MSH4: variants seen among roughly 807,000 people sequenced by gnomAD.
The protein encoded by MSH4 is mutS homolog 4, also known as mutS protein homolog 4.
Under a neutral mutation model 113.7 loss-of-function variants are expected in MSH4, and 106 were observed. The ratio of observed to expected loss-of-function variants is 0.93; its 90% CI spans 0.80 to 1.10. MSH4 has a LOEUF of 1.10. Ranked by LOEUF, MSH4 falls within the 50% of genes least tolerant of loss-of-function variation. The probability of loss-of-function intolerance (pLI) is 0.00; values close to 1 mark genes in which losing one functional copy is unlikely to be tolerated. For synonymous variants in MSH4, 368 were observed against 380.2 expected (o/e 0.97, Z 0.37); for missense variants, 1,061 against 1,093.7 (o/e 0.97, Z 0.42).
intron 2 of MSH4, among the ~76,000 whole-genome samples, chr1:75,806,483 G>C (rs1650067122): frequency 6.6e-6 from 1 of 151,968 alleles, no homozygotes; most frequent in African/African-American, 2.4e-5. Flanking sequence ...TCCTGGCCTT[G>C]TGATCCGCCC....
At chr1:75,879,336 C>T (rs1048798156) in intron 12 of MSH4, among the ~76,000 whole-genome samples, 3 of 152,052 alleles carry the variant, frequency 2.0e-5, no homozygotes, top group African/African-American at 7.2e-5. Context: ...TTCCACAGTT[C>T]TGGGAGCTTG....
intron 7 of MSH4, among the ~76,000 whole-genome samples, chr1:75,830,100 T>C (rs1296545858): frequency 6.6e-6 from 1 of 152,132 alleles, no homozygotes; most frequent in Middle Eastern, 3.2e-3. Context: ...TTAAGTGACC[T>C]GATGGAGCTG....
At chr1:75,862,276 C>A (rs1651473970) in intron 8 of MSH4, among the ~76,000 whole-genome samples, 1 of 152,208 alleles carries the variant, frequency 6.6e-6, no homozygotes, top group Non-Finnish European at 1.5e-5. Context: ...TCGGCTCACC[C>A]TCCGTGGGCT....
chr1:75,898,522 T>A (rs565739794), intron 18 of MSH4, among the ~76,000 whole-genome samples: 67 of 93,756 alleles, frequency 7.1e-4, no homozygotes, highest in African/African-American at 1.9e-3. Flanking sequence ...CAAACCATAT[T>A]TTTTTTTTTT....
chr1:75,840,828 C>T (rs13376397), intron 7 of MSH4, among the ~76,000 whole-genome samples: 8,813 of 152,066 alleles, frequency 0.058, 461 homozygotes, highest in African/African-American at 0.14. Flanking sequence ...CATCCATGTT[C>T]GGGCAACAGA....
chr1:75,885,023 A>ATGTGTGTGTGTG (rs764938661), intron 15 of MSH4, among the ~76,000 whole-genome samples: 9 of 122,204 alleles, frequency 7.4e-5, no homozygotes, highest in South Asian at 2.3e-4. Context: ...GTGTGTATAT[A>ATGTGTGTGTGTG]TATATATGTG....
intron 1 of MSH4, 70 bp downstream of exon 1, chr1:75,797,299 C>T (rs1405765849): frequency 6.6e-7 from 1 of 1,519,402 alleles, no homozygotes; most frequent in Non-Finnish European, 8.8e-7. Context: ...CTCGGGGGCA[C>T]GTGGGTGGTG....
intron 9 of MSH4, among the ~76,000 whole-genome samples, chr1:75,876,703 A>C (rs1651824124): frequency 6.6e-6 from 1 of 152,058 alleles, no homozygotes; most frequent in Admixed American, 6.6e-5. Context: ...AGAAAAATAA[A>C]ATTTATAATA....
chr1:75,802,867 G>GGTCTT (rs1187713415), intron 1 of MSH4, among the ~76,000 whole-genome samples: 2 of 152,162 alleles, frequency 1.3e-5, no homozygotes, highest in Non-Finnish European at 2.9e-5. Context: ...CTTTGTGCTG[G>GGTCTT]TGGAGTCTCT....
chr1:75,832,498 A>G (rs1650722972), intron 7 of MSH4, among the ~76,000 whole-genome samples: 1 of 152,112 alleles, frequency 6.6e-6, no homozygotes, highest in African/African-American at 2.4e-5. Context: ...AGAATTTTAG[A>G]CCAATATCCC....
intron 15 of MSH4, among the ~76,000 whole-genome samples, chr1:75,887,678 G>A (rs1206622249): frequency 2.6e-5 from 4 of 152,096 alleles, no homozygotes; most frequent in Non-Finnish European, 4.4e-5. Context: ...GGCAGCACAA[G>A]GATTCAAACC....
intron 15 of MSH4, among the ~76,000 whole-genome samples, chr1:75,888,164 G>C (rs558799760): frequency 6.6e-6 from 1 of 151,222 alleles, no homozygotes; most frequent in African/African-American, 2.4e-5. Context: ...TTATTCCTCA[G>C]AGTTAAGCCC....
At chr1:75,843,968 T>A (rs1411503041) in intron 7 of MSH4, among the ~76,000 whole-genome samples, 2 of 152,034 alleles carry the variant, frequency 1.3e-5, no homozygotes, top group Non-Finnish European at 2.9e-5. Flanking sequence ...TGCACCACCA[T>A]GCCTGGCTAA....
intron 7 of MSH4, among the ~76,000 whole-genome samples, chr1:75,824,418 AG>A (rs1329335443): frequency 6.6e-6 from 1 of 152,082 alleles, no homozygotes; most frequent in Non-Finnish European, 1.5e-5. Context: ...CCCATTCTGT[AG>A]GTTGCCTTTT....
intron 7 of MSH4, among the ~76,000 whole-genome samples, chr1:75,843,213 A>G (rs1456671275): frequency 6.6e-6 from 1 of 152,134 alleles, no homozygotes; most frequent in Non-Finnish European, 1.5e-5. Context: ...TTTGTATCCA[A>G]TAAATAACAG....
intron 1 of MSH4, 63 bp downstream of exon 1, chr1:75,797,292 G>C: frequency 6.5e-7 from 1 of 1,528,032 alleles, no homozygotes; most frequent in Non-Finnish European, 8.8e-7. Flanking sequence ...ATGGAGGCTC[G>C]GGGGCACGTG....
intron 7 of MSH4, among the ~76,000 whole-genome samples, chr1:75,831,416 C>T (rs1650687517): frequency 6.6e-6 from 1 of 152,136 alleles, no homozygotes; most frequent in Admixed American, 6.5e-5. Flanking sequence ...GAATTGAACT[C>T]AGCTCTGCAC....
At chr1:75,814,932 G>A (rs565294899) in intron 4 of MSH4, 89 bp from the exon 5 acceptor site, 150 of 680,212 alleles carry the variant, frequency 2.2e-4, no homozygotes, top group South Asian at 1.2e-3. Context: ...CAATATTTAA[G>A]CCACTTACCT....
chr1:75,901,331 C>T (rs1056255141), intron 19 of MSH4, among the ~76,000 whole-genome samples: 2 of 152,138 alleles, frequency 1.3e-5, no homozygotes, highest in Non-Finnish European at 2.9e-5. Flanking sequence ...CCCTTCCTAA[C>T]CTCTAGTAAC....
Sources: gnomAD v4.1 joint callset for allele counts (sites outside exome capture counted in the v4.1 genomes callset) on GRCh38, gnomAD v4.1.1 for gene constraint, MANE v1.5 for transcripts, NCBI Gene and HGNC (gene_info 2026-07-23, HGNC 2026-07-21) for gene names.